CACNG6: variants seen among roughly 807,000 people sequenced by gnomAD.
The protein encoded by CACNG6 is calcium voltage-gated channel auxiliary subunit gamma 6.
CACNG6 carries 21 observed loss-of-function variants against 23.9 expected under a neutral mutation model. The ratio of observed to expected loss-of-function variants is 0.88; its 90% CI spans 0.62 to 1.26. The LOEUF is 1.26. CACNG6 is among the 50% of genes most tolerant of loss of function. The pLI is 0.00. For missense variants in CACNG6, 340 were observed against 352.9 expected (o/e 0.96, Z 0.29); for synonymous variants, 182 against 168.9 (o/e 1.08, Z -0.60).
rs887756218 is a variant in CACNG6, at chr19:53,992,532, G to C, written c.-346G>C. Reference sequence around the variant, plus strand: ...CTCATTCCTCTGGAGCTCTTGGGGGGACTCCCTCCTGGGAAGCCGAATTCT... The same window carrying C: ...CTCATTCCTCTGGAGCTCTTGGGGGCACTCCCTCCTGGGAAGCCGAATTCT... On this transcript the variant is annotated 5_prime_UTR_variant, in exon 1 of 4. Transcript: ENST00000252729. This position sits in a 1 kb window ranked among gnomAD's most constrained non-coding sequence, Gnocchi z 4.1. 2 of 185,966 alleles carry C rather than the reference G, an allele frequency of 1.1e-5. No homozygotes were observed. The highest frequency in any genetic ancestry group is 1.2e-4 in the Admixed American group (2 of 16,180). 11.5% of individuals were successfully genotyped at this position (185,966 alleles called of 1,614,324 possible). A position where few individuals can be genotyped will look rare whatever the true frequency, so the allele number is the denominator to read the frequency against.
intron 3 of CACNG6, among the ~76,000 whole-genome samples, chr19:54,001,331 G>A (rs931277084): frequency 2.0e-5 from 3 of 151,890 alleles, no homozygotes. Context: ...TAGGATTACA[G>A]GTGTGTGCCA....
chr19:53,999,533 T>C (rs2069553964), intron 2 of CACNG6, 101 bp from the exon 3 acceptor site: 11 of 1,376,080 alleles, frequency 8.0e-6, no homozygotes, highest in Non-Finnish European at 1.1e-5. Flanking sequence ...TCTTCTCTCG[T>C]CCCGAATCTT....
At chr19:54,006,974 A>G (rs766631006) in intron 3 of CACNG6, among the ~76,000 whole-genome samples, 4 of 151,712 alleles carry the variant, frequency 2.6e-5, no homozygotes, top group Non-Finnish European at 5.9e-5. Context: ...TCATAAGGAC[A>G]CCAGTCACAT....
chr19:53,997,247 C>T (rs1049377812), intron 1 of CACNG6, among the ~76,000 whole-genome samples: 9 of 152,068 alleles, frequency 5.9e-5, no homozygotes, highest in Admixed American at 4.6e-4. Flanking sequence ...TTTCTCAAAT[C>T]TCTCCATCTT....
chr19:53,991,873 C>A lies in CACNG6; in HGVS notation c.-1005C>A, dbSNP rs1293396137. 3.9e-5 allele frequency among the ~76,000 whole-genome samples: 6 copies of A among 152,162 alleles called. No homozygotes were observed. The highest frequency in any genetic ancestry group is 3.9e-4 in the Admixed American group (6 of 15,284). On this transcript the variant is annotated 5_prime_UTR_variant, in exon 1 of 4. Coordinates refer to ENST00000252729, the MANE Select transcript of CACNG6 (RefSeq NM_145814.2). Reference sequence around the variant, plus strand: ...AAGGGGCGCAGCGTCTCTTGCGGGTCGCGGTTGGCCTTTGAACCCTGGGGG... The same window carrying A: ...AAGGGGCGCAGCGTCTCTTGCGGGTAGCGGTTGGCCTTTGAACCCTGGGGG...
Position 54,012,206 on chromosome 19 carries a change from T to C in CACNG6, c.*17T>C, listed in dbSNP as rs199694557. 7,356 of 1,154,132 alleles carry C rather than the reference T, an allele frequency of 6.4e-3. 45 individuals carry two copies. The highest frequency in any genetic ancestry group is 6.9e-3 in the Non-Finnish European group (5,814 of 847,776). The allele number at this position is 1,154,132 out of a possible 1,614,324, so 71.5% of individuals were successfully genotyped here. Reference sequence around the variant, plus strand: ...GCCACCTAGAGCCACGCGTGAGACTTCTCTAAGCAACCACCGAGCCCTTTG... The same window carrying C: ...GCCACCTAGAGCCACGCGTGAGACTCCTCTAAGCAACCACCGAGCCCTTTG... On this transcript the variant is annotated 3_prime_UTR_variant, in exon 4 of 4. Coordinates refer to ENST00000252729, the MANE Select transcript of CACNG6 (RefSeq NM_145814.2).
At chr19:54,007,833 T>A (rs1247868231) in intron 3 of CACNG6, among the ~76,000 whole-genome samples, 1 of 150,178 alleles carries the variant, frequency 6.7e-6, no homozygotes, top group Admixed American at 6.6e-5. Flanking sequence ...GAGGTCAAGG[T>A]TGCATGCAGT....
intron 2 of CACNG6, among the ~76,000 whole-genome samples, 198 bp downstream of exon 2, chr19:53,998,511 C>CTTT (rs35492861): frequency 0.066 from 7,657 of 115,280 alleles, 400 homozygotes; most frequent in African/African-American, 0.094. Flanking sequence ...CTAGAGAACT[C>CTTT]TTTTTTTTTT....
intron 3 of CACNG6, among the ~76,000 whole-genome samples, chr19:54,004,438 C>A (rs1239315861): frequency 6.6e-6 from 1 of 150,386 alleles, no homozygotes; most frequent in Non-Finnish European, 1.5e-5. Flanking sequence ...TGGCCTCGAA[C>A]TCCTGATGAC....
chr19:54,001,314 A>AAGT (rs1431386461), intron 3 of CACNG6, among the ~76,000 whole-genome samples: 1 of 151,240 alleles, frequency 6.6e-6, no homozygotes, highest in African/African-American at 2.4e-5. Flanking sequence ...TCAGCCTCCC[A>AAGT]AGTAGCTAGG....
intron 3 of CACNG6, among the ~76,000 whole-genome samples, chr19:54,001,950 C>T (rs1002962267): frequency 1.3e-5 from 2 of 152,206 alleles, no homozygotes; most frequent in South Asian, 4.1e-4. Flanking sequence ...TAGCCATGAA[C>T]TCACTCATCC....
chr19:54,000,436 C>T (rs1001936474), intron 3 of CACNG6, among the ~76,000 whole-genome samples: 30 of 152,186 alleles, frequency 2.0e-4, no homozygotes, highest in African/African-American at 6.8e-4. Flanking sequence ...AGGACTGTTG[C>T]ATTCTTGGAG....
chr19:54,012,407 G>T lies in CACNG6; in HGVS notation c.*218G>T. Reference sequence around the variant, plus strand: ...TGTGGGTTGCTTGGGGGTGGGATGGGAAGAGGCTCTTTGCAAACGAGGGTC... The same window carrying T: ...TGTGGGTTGCTTGGGGGTGGGATGGTAAGAGGCTCTTTGCAAACGAGGGTC... On this transcript the variant is annotated 3_prime_UTR_variant, in exon 4 of 4. Transcript: ENST00000252729. 4.4e-6 allele frequency: 1 copy of T among 229,826 alleles called. No individual in the cohort carries two copies. 14.2% of individuals were successfully genotyped at this position (229,826 alleles called of 1,614,324 possible).
chr19:53,999,311 T>A (rs947091875), intron 2 of CACNG6, among the ~76,000 whole-genome samples: 2 of 152,102 alleles, frequency 1.3e-5, no homozygotes, highest in African/African-American at 4.8e-5. Context: ...TTTGCCATCG[T>A]CTCCCACACA....
At chr19:53,997,922 C>T (rs1246209348) in intron 1 of CACNG6, among the ~76,000 whole-genome samples, 1 of 152,110 alleles carries the variant, frequency 6.6e-6, no homozygotes, top group Admixed American at 6.6e-5. Flanking sequence ...ACTTGACCCT[C>T]AACAAACCCA....
Position 54,012,040 on chromosome 19 carries a change from C to T in CACNG6, c.634C>T (p.Arg212Cys), listed in dbSNP as rs201389291. The change falls in exon 4 of 4, where the codon CGC (arginine) becomes TGC (cysteine). Residue 212 changes from arginine (R) to cysteine (C), a missense_variant. Coordinates refer to ENST00000252729, the MANE Select transcript of CACNG6 (RefSeq NM_145814.2). ...RVSPEPPPAP[R>C]LTYEYSWSLG... Reference sequence around the variant, plus strand: ...CAGCCCGGAGCCTCCCCCGGCCCCACGCCTCACCTACGAGTACTCCTGGTC... The same window carrying T: ...CAGCCCGGAGCCTCCCCCGGCCCCATGCCTCACCTACGAGTACTCCTGGTC... 687 of 1,605,948 alleles carry T rather than the reference C, an allele frequency of 4.3e-4. 10 individuals carry two copies. The Middle Eastern group carries it at 6.8e-3, about 16-fold the overall frequency.
intron 3 of CACNG6, among the ~76,000 whole-genome samples, chr19:54,003,286 G>A (rs930923941): frequency 6.6e-6 from 1 of 152,184 alleles, no homozygotes; most frequent in Non-Finnish European, 1.5e-5. Context: ...TCCACGCTGC[G>A]AGAGTGTGGG....
intron 1 of CACNG6, among the ~76,000 whole-genome samples, chr19:53,997,427 GT>G (rs879312865): frequency 4.1e-4 from 60 of 146,582 alleles, no homozygotes; most frequent in African/African-American, 1.4e-3. Flanking sequence ...TTCCTGTTTT[GT>G]TTTTTTTTTC....
At chr19:54,007,365 C>T (rs1418837706) in intron 3 of CACNG6, among the ~76,000 whole-genome samples, 1 of 152,108 alleles carries the variant, frequency 6.6e-6, no homozygotes, top group African/African-American at 2.4e-5. Context: ...TCTTTAAGAA[C>T]TCTATATCCA....
Sources: gnomAD v4.1 joint callset for allele counts (sites outside exome capture counted in the v4.1 genomes callset) on GRCh38, gnomAD v4.1.1 for gene constraint, Gnocchi (gnomAD v3.1) non-coding constraint, MANE v1.5 for transcripts, NCBI Gene and HGNC (gene_info 2026-07-23, HGNC 2026-07-21) for gene names.